The following RARB variants were observed in gnomAD, a reference collection of about 807,000 sequenced individuals.
The protein encoded by RARB is retinoic acid receptor beta.
Under a neutral mutation model 51.9 loss-of-function variants are expected in RARB, and 17 were observed. The ratio of observed to expected loss-of-function variants is 0.33; its 90% CI spans 0.22 to 0.49. RARB has a LOEUF of 0.49. Among genes scored for constraint, RARB ranks in the 20% least tolerant of loss-of-function variants. The probability of loss-of-function intolerance (pLI) is 0.99; values close to 1 mark genes in which losing one functional copy is unlikely to be tolerated. For missense variants in RARB, 369 were observed against 550.8 expected, an observed-to-expected ratio of 0.67 and a Z score of 3.30; for synonymous variants, 215 against 195.4, an observed-to-expected ratio of 1.10 and a Z score of -0.84.
chr3:25,556,634 C>G (rs1700070228), intron 3 of RARB, among the ~76,000 whole-genome samples: 1 of 152,136 alleles, frequency 6.6e-6, no homozygotes, highest in African/African-American at 2.4e-5. Context: ...AGTCTCTTGG[C>G]CAAAGTTTCC....
intron 2 of RARB, among the ~76,000 whole-genome samples, chr3:25,500,853 G>T (rs768672224): frequency 6.6e-6 from 1 of 152,070 alleles, no homozygotes; most frequent in African/African-American, 2.4e-5. Flanking sequence ...AATTGTTCTC[G>T]TCAGCAAGGG....
At chr3:25,421,563 C>T (rs544540687) in intron 5 of RARB, among the ~76,000 whole-genome samples, 1 of 151,934 alleles carries the variant, frequency 6.6e-6, no homozygotes, top group African/African-American at 2.4e-5. Flanking sequence ...AGGTGCGTGC[C>T]ACCATGCCCG....
intron 5 of RARB, among the ~76,000 whole-genome samples, chr3:25,369,038 A>G (rs962367224): frequency 1.3e-5 from 2 of 152,176 alleles, no homozygotes; most frequent in Non-Finnish European, 2.9e-5. Flanking sequence ...CCAATTATAT[A>G]ATTGTTGTCA....
intron 2 of RARB, among the ~76,000 whole-genome samples, chr3:25,003,343 A>T (rs1359675727): frequency 6.6e-6 from 1 of 152,254 alleles, no homozygotes; most frequent in East Asian, 1.9e-4. Flanking sequence ...GTCAGAATGG[A>T]CCTGGACCGA....
chr3:25,344,242 T>C (rs1476174648), intron 5 of RARB, among the ~76,000 whole-genome samples: 2 of 152,216 alleles, frequency 1.3e-5, no homozygotes, highest in Non-Finnish European at 2.9e-5. Flanking sequence ...TTCAAGAAGA[T>C]AGTCACATCA....
At chr3:24,894,598 T>C (rs1338940255) in intron 2 of RARB, among the ~76,000 whole-genome samples, 2 of 152,198 alleles carry the variant, frequency 1.3e-5, no homozygotes, top group African/African-American at 2.4e-5. Flanking sequence ...GTCTTTTTTG[T>C]GTAATGATTT....
chr3:25,157,378 G>GTATATA (rs71822047), intron 4 of RARB, among the ~76,000 whole-genome samples: 10 of 143,660 alleles, frequency 7.0e-5, no homozygotes, highest in Non-Finnish European at 9.2e-5. Flanking sequence ...GTGTGTGTGT[G>GTATATA]TGTATATATA....
At chr3:24,881,499 C>A (rs1703165682) in intron 2 of RARB, among the ~76,000 whole-genome samples, 1 of 152,092 alleles carries the variant, frequency 6.6e-6, no homozygotes, top group Non-Finnish European at 1.5e-5. Context: ...TCATTGAGTA[C>A]TTAGTAAATT....
rs1701670992 is a variant in RARB, at chr3:25,210,553, T to TGTTTTTTTTTTTTTTTTTTTTGA, written c.178+35979_178+35980insTTTTTTTTTTTTTTTTTTTTGAG. ...TCTTTTTTTTTTTTTTTTTTTTTTT[T>TGTTTTTTTTTTTTTTTTTTTTGA]GAGATTGAGTCTCACTCTGTTGCCC... is the stretch of plus-strand genomic sequence containing the variant. On this transcript the variant is annotated intron_variant, in intron 5 of 11. Coordinates refer to the RARB transcript ENST00000383772. Among the ~76,000 whole-genome samples, 2 of 82,498 alleles carry TGTTTTTTTTTTTTTTTTTTTTGA rather than the reference T, an allele frequency of 2.4e-5. 1 individual carries two copies. The highest frequency in any genetic ancestry group is 4.9e-5 in the Non-Finnish European group (2 of 40,910). 54.1% of individuals were successfully genotyped at this position (82,498 alleles called of 152,430 possible).
chr3:24,946,741 C>T (rs1374772653), intron 2 of RARB, among the ~76,000 whole-genome samples: 1 of 151,988 alleles, frequency 6.6e-6, no homozygotes, highest in Non-Finnish European at 1.5e-5. Context: ...TGTGGTACAC[C>T]TGTAGTCCCA....
intron 5 of RARB, among the ~76,000 whole-genome samples, chr3:25,588,823 AATGT>A (rs2125318646): frequency 6.6e-6 from 1 of 152,280 alleles, no homozygotes; most frequent in South Asian, 2.1e-4. Flanking sequence ...GTCCTCTTGA[AATGT>A]CAGCTAGCTT....
chr3:25,121,465 C>T (rs929534563), intron 3 of RARB, among the ~76,000 whole-genome samples: 5 of 152,008 alleles, frequency 3.3e-5, no homozygotes, highest in Admixed American at 6.6e-5. Flanking sequence ...ATAAACAACC[C>T]AGTAAAGATG....
In RARB at chr3:24,960,357, ATG is replaced by A. The variant is rs1159445401; in HGVS notation, c.-379-99764_-379-99763del. ...CACAGTGACTTTTATAAATGTTGAG[ATG>A]TGTTTCTTGGAAAAACATTTTGTTT... On this transcript the variant is annotated intron_variant, in intron 2 of 11. Coordinates refer to the RARB transcript ENST00000383772. Among the ~76,000 whole-genome samples the A allele has an allele frequency of 2.6e-5, 4 of 152,204 alleles. 1 individual carries two copies. The highest frequency in any genetic ancestry group is 1.5e-5 in the Non-Finnish European group (1 of 68,032).
intron 4 of RARB, among the ~76,000 whole-genome samples, chr3:25,152,533 C>G (rs949696062): frequency 1.3e-5 from 2 of 152,010 alleles, no homozygotes; most frequent in Non-Finnish European, 2.9e-5. Context: ...TTAAACACTG[C>G]TCCCAGGGAA....
At chr3:25,182,712 A>G (rs777842096) in intron 5 of RARB, among the ~76,000 whole-genome samples, 1 of 152,314 alleles carries the variant, frequency 6.6e-6, no homozygotes, top group Admixed American at 6.5e-5. Context: ...AGTATTTACC[A>G]GAAAAATTGT....
intron 4 of RARB, among the ~76,000 whole-genome samples, chr3:25,157,672 C>G (rs1575186722): frequency 6.6e-6 from 1 of 152,204 alleles, no homozygotes; most frequent in South Asian, 2.1e-4. Context: ...GCTGGGATTA[C>G]AGGTGGAAGC....
chr3:25,511,564 T>C (rs1697898882), intron 3 of RARB, among the ~76,000 whole-genome samples: 4 of 152,220 alleles, frequency 2.6e-5, no homozygotes, highest in African/African-American at 9.7e-5. Context: ...AATCGTTAAG[T>C]GTGTAGCAGC....
intron 5 of RARB, among the ~76,000 whole-genome samples, chr3:25,321,758 G>T (rs1455749404): frequency 6.6e-6 from 1 of 151,814 alleles, no homozygotes; most frequent in East Asian, 1.9e-4. Flanking sequence ...AGCCATTTGA[G>T]TCTTGAATCA....
At chr3:25,344,132 C>G (rs959415827) in intron 5 of RARB, among the ~76,000 whole-genome samples, 2 of 152,178 alleles carry the variant, frequency 1.3e-5, no homozygotes, top group African/African-American at 4.8e-5. Flanking sequence ...AACTAATTGC[C>G]TCAGGGGTGA....
Sources: gnomAD v4.1 joint callset for allele counts (sites outside exome capture counted in the v4.1 genomes callset) on GRCh38, gnomAD v4.1.1 for gene constraint, MANE v1.5 for transcripts, NCBI Gene and HGNC (gene_info 2026-07-23, HGNC 2026-07-21) for gene names.